Variants in TMEM132C observed in about 807,000 individuals in gnomAD.
TMEM132C encodes the protein transmembrane protein 132C, also known as protein phosphatase 1, regulatory subunit 152.
TMEM132C carries 29 observed loss-of-function variants against 61.4 expected under a neutral mutation model. The ratio of observed to expected loss-of-function variants is 0.47; its 90% CI spans 0.35 to 0.64. The LOEUF (loss-of-function observed/expected upper bound fraction) is 0.64. TMEM132C is among the 30% of genes least tolerant of loss of function. TMEM132C has a pLI of 0.00. For synonymous variants in TMEM132C, 656 were observed against 633.1 expected (o/e 1.04, Z -0.54); for missense variants, 1,408 against 1,476.9 (o/e 0.95, Z 0.76).
rs1006608473 is a variant in TMEM132C, at chr12:128,267,375, C to A, written c.-28C>A. 1.1e-5 allele frequency: 12 copies of A among 1,078,760 alleles called. No individual in the cohort carries two copies. The South Asian group carries it at 4.8e-4, about 43-fold the overall frequency. The allele number at this position is 1,078,760 out of a possible 1,614,324, so 66.8% of individuals were successfully genotyped here. A position where few individuals can be genotyped will look rare whatever the true frequency, so the allele number is the denominator to read the frequency against. On this transcript the variant is annotated 5_prime_UTR_variant, in exon 1 of 9. Coordinates refer to ENST00000435159, the MANE Select transcript of TMEM132C (RefSeq NM_001136103.3). ...CGGGCGCTGCGCTTCGGGCTGGCGG[C>A]GGGCTGCGTGAGCGGCCGGGACGCA...
chr12:128,396,905 C>T (rs1874977224), intron 1 of TMEM132C, among the ~76,000 whole-genome samples: 1 of 152,184 alleles, frequency 6.6e-6, no homozygotes, highest in Non-Finnish European at 1.5e-5. Flanking sequence ...CTGTGGATAG[C>T]CTCTTCTATT....
chr12:128,660,261 C>G (rs1954373635), intron 4 of TMEM132C, among the ~76,000 whole-genome samples: 1 of 152,164 alleles, frequency 6.6e-6, no homozygotes, highest in Admixed American at 6.5e-5. Context: ...TCCTCCTCGT[C>G]CAGGTGGGCT....
At chr12:128,557,010 G>A (rs1361923482) in intron 3 of TMEM132C, among the ~76,000 whole-genome samples, 1 of 152,162 alleles carries the variant, frequency 6.6e-6, no homozygotes, top group Non-Finnish European at 1.5e-5. Context: ...AAAAACAGGG[G>A]AACTCCTCTG....
intron 5 of TMEM132C, among the ~76,000 whole-genome samples, chr12:128,691,426 C>T (rs1473983737): frequency 1.3e-5 from 2 of 152,226 alleles, no homozygotes; most frequent in Admixed American, 1.3e-4. Context: ...TCCCTCTGTC[C>T]ATCTGTCTGT....
chr12:128,678,130 C>G (rs1300602423), intron 5 of TMEM132C, among the ~76,000 whole-genome samples: 1 of 152,210 alleles, frequency 6.6e-6, no homozygotes, highest in Non-Finnish European at 1.5e-5. Context: ...CCTCCCTAAA[C>G]AGCAGGACAG....
At chr12:128,424,802 G>A (rs1387253270) in intron 2 of TMEM132C, among the ~76,000 whole-genome samples, 3 of 152,144 alleles carry the variant, frequency 2.0e-5, no homozygotes, top group Non-Finnish European at 4.4e-5. Context: ...GTTGAACATT[G>A]AGCCAATTTT....
intron 2 of TMEM132C, among the ~76,000 whole-genome samples, chr12:128,497,067 G>A (rs1390360970): frequency 6.6e-6 from 1 of 152,232 alleles, no homozygotes; most frequent in Non-Finnish European, 1.5e-5. Flanking sequence ...ACCCTTAGCT[G>A]CAGGTCTGTT....
chr12:128,562,266 G>A (rs1399524376), intron 3 of TMEM132C, among the ~76,000 whole-genome samples: 2 of 152,080 alleles, frequency 1.3e-5, no homozygotes, highest in African/African-American at 2.4e-5. Flanking sequence ...TTTTAAAAGC[G>A]GTACGAAAAG....
intron 1 of TMEM132C, among the ~76,000 whole-genome samples, chr12:128,306,980 T>C (rs1159973793): frequency 6.6e-6 from 1 of 152,004 alleles, no homozygotes; most frequent in Non-Finnish European, 1.5e-5. Context: ...GTTAAGAGGG[T>C]GGTTGAAACC....
intron 1 of TMEM132C, among the ~76,000 whole-genome samples, chr12:128,299,138 C>T (rs1871516488): frequency 1.3e-5 from 2 of 152,120 alleles, no homozygotes; most frequent in South Asian, 4.1e-4. Flanking sequence ...TTTTAACCAT[C>T]ACTCTGGAGC....
intron 1 of TMEM132C, among the ~76,000 whole-genome samples, chr12:128,350,189 A>T (rs1377847954): frequency 6.6e-6 from 1 of 152,202 alleles, no homozygotes; most frequent in Non-Finnish European, 1.5e-5. Context: ...ACTAATGTTG[A>T]TGAAACGTCT....
At chr12:128,468,834 T>C (rs1172416865) in intron 2 of TMEM132C, among the ~76,000 whole-genome samples, 1 of 152,222 alleles carries the variant, frequency 6.6e-6, no homozygotes, top group African/African-American at 2.4e-5. Flanking sequence ...AAATGAGTCA[T>C]GGTACAGATA....
chr12:128,291,008 A>G (rs1020287096), intron 1 of TMEM132C, among the ~76,000 whole-genome samples: 1 of 152,110 alleles, frequency 6.6e-6, no homozygotes, highest in African/African-American at 2.4e-5. Context: ...TCTTTTCCAC[A>G]ATGAAAGCCA....
intron 1 of TMEM132C, among the ~76,000 whole-genome samples, chr12:128,269,729 C>A (rs1358502767): frequency 6.6e-6 from 1 of 152,070 alleles, no homozygotes; most frequent in Non-Finnish European, 1.5e-5. Context: ...GTTCATTCCC[C>A]CCTCGGATTC....
chr12:128,505,463 G>T (rs1030729609), intron 2 of TMEM132C, among the ~76,000 whole-genome samples: 1 of 152,138 alleles, frequency 6.6e-6, no homozygotes, highest in Admixed American at 6.5e-5. Context: ...GGAGTCTGTG[G>T]GGGGCTAGTT....
intron 1 of TMEM132C, among the ~76,000 whole-genome samples, chr12:128,274,850 G>A (rs116081205): frequency 0.022 from 3,374 of 152,202 alleles, 119 homozygotes; most frequent in African/African-American, 0.077. Context: ...TGGAGGCAGG[G>A]CTGATCAGTT....
intron 1 of TMEM132C, among the ~76,000 whole-genome samples, chr12:128,370,936 A>G (rs1874010885): frequency 6.6e-6 from 1 of 152,162 alleles, no homozygotes; most frequent in South Asian, 2.1e-4. Flanking sequence ...ATACTAACTC[A>G]TTTAATTCTC....
chr12:128,372,597 A>G (rs1874060357), intron 1 of TMEM132C, among the ~76,000 whole-genome samples: 1 of 152,184 alleles, frequency 6.6e-6, no homozygotes. Context: ...AATTACTCAT[A>G]TCCTGTCTAG....
intron 3 of TMEM132C, among the ~76,000 whole-genome samples, chr12:128,604,295 A>C (rs2135575678): frequency 6.6e-6 from 1 of 152,242 alleles, no homozygotes; most frequent in East Asian, 1.9e-4. Context: ...TGGTAGATAG[A>C]TGGGATGAGT....
Sources: allele counts gnomAD v4.1 joint callset (sites outside exome capture counted in the v4.1 genomes callset), GRCh38; gene constraint gnomAD v4.1.1; transcripts MANE v1.5; gene names NCBI Gene and HGNC (gene_info 2026-07-23, HGNC 2026-07-21).